INPP5A: variants seen among roughly 807,000 people sequenced by gnomAD.
The protein encoded by INPP5A is inositol polyphosphate-5-phosphatase A, also known as 43 kDa inositol polyphosphate 5-phophatase.
In INPP5A, 14 loss-of-function variants were observed where a neutral mutation model predicts 65.2. That is an observed-to-expected ratio of 0.21 (90% CI 0.14 to 0.34). The LOEUF (loss-of-function observed/expected upper bound fraction) is 0.34. Among genes scored for constraint, INPP5A ranks in the 10% least tolerant of loss-of-function variants. INPP5A has a pLI of 1.00. For synonymous variants in INPP5A, 207 were observed against 208.3 expected (o/e 0.99, Z 0.05); for missense variants, 431 against 545.6 (o/e 0.79, Z 2.09).
At chr10:132,752,935 C>G (rs987578141) in intron 11 of INPP5A, among the ~76,000 whole-genome samples, 56 of 152,162 alleles carry the variant, frequency 3.7e-4, no homozygotes, top group Non-Finnish European at 7.4e-5. Flanking sequence ...GGGGTTGAAG[C>G]CACGTGAGGC....
intron 2 of INPP5A, among the ~76,000 whole-genome samples, chr10:132,639,139 C>A (rs2072395928): frequency 6.6e-6 from 1 of 152,104 alleles, no homozygotes; most frequent in African/African-American, 2.4e-5. Flanking sequence ...TTTCCTTATT[C>A]TTGGAGATCC....
chr10:132,712,838 A>G (rs1274275457), intron 8 of INPP5A, among the ~76,000 whole-genome samples: 1 of 140,682 alleles, frequency 7.1e-6, no homozygotes, highest in Non-Finnish European at 1.5e-5. Context: ...GTGGGTGCAT[A>G]TGTGTAGGCT....
At chr10:132,619,715 A>G (rs1314419693) in intron 2 of INPP5A, among the ~76,000 whole-genome samples, 3 of 152,158 alleles carry the variant, frequency 2.0e-5, no homozygotes, top group South Asian at 2.1e-4. Flanking sequence ...CTGGAGTGCA[A>G]TGGCATGATC....
At chr10:132,781,576 T>C (rs1246819403) in intron 14 of INPP5A, among the ~76,000 whole-genome samples, 1 of 152,254 alleles carries the variant, frequency 6.6e-6, no homozygotes, top group Non-Finnish European at 1.5e-5. Flanking sequence ...GCCATTCTTT[T>C]ACATCAGTTT....
At chr10:132,580,499 A>G (rs1197218192) in intron 1 of INPP5A, among the ~76,000 whole-genome samples, 1 of 152,182 alleles carries the variant, frequency 6.6e-6, no homozygotes, top group Non-Finnish European at 1.5e-5. Flanking sequence ...TCTATTCTCC[A>G]TGAATTACCA....
chr10:132,717,526 G>T (rs1259743082), intron 8 of INPP5A, among the ~76,000 whole-genome samples: 1 of 151,422 alleles, frequency 6.6e-6, no homozygotes, highest in African/African-American at 2.5e-5. Context: ...AGCCTTAGAC[G>T]ACTGTCTTCA....
intron 8 of INPP5A, among the ~76,000 whole-genome samples, chr10:132,723,527 A>ATGTGGGGATTGGCCG (rs1564984367): frequency 2.8e-4 from 22 of 77,922 alleles, no homozygotes; most frequent in East Asian, 7.9e-4. Flanking sequence ...GGGATTGGCC[A>ATGTGGGGATTGGCCG]TGTGGGGATT....
At chr10:132,615,727 T>C (rs1440318198) in intron 2 of INPP5A, among the ~76,000 whole-genome samples, 2 of 152,158 alleles carry the variant, frequency 1.3e-5, no homozygotes, top group Non-Finnish European at 2.9e-5. Context: ...GCACCCTTGC[T>C]TGAAGCTAAG....
chr10:132,658,905 G>A (rs958149835), intron 4 of INPP5A, among the ~76,000 whole-genome samples: 2 of 152,152 alleles, frequency 1.3e-5, no homozygotes, highest in Non-Finnish European at 1.5e-5. Context: ...GAAGGCGTCG[G>A]GCCTGGGGCA....
chr10:132,768,524 G>A (rs1442755161), intron 12 of INPP5A, among the ~76,000 whole-genome samples: 6 of 152,224 alleles, frequency 3.9e-5, no homozygotes, highest in Non-Finnish European at 5.9e-5. Flanking sequence ...GGGGGGTCCC[G>A]AGTGCCTCTG....
chr10:132,710,540 C>A, intron 8 of INPP5A, 84 bp downstream of exon 8: 1 of 1,512,180 alleles, frequency 6.6e-7, no homozygotes. Flanking sequence ...TAGGTGTGGG[C>A]GGACAAGTAG....
intron 2 of INPP5A, among the ~76,000 whole-genome samples, chr10:132,643,930 T>G (rs1195941826): frequency 1.3e-5 from 2 of 152,046 alleles, no homozygotes; most frequent in Non-Finnish European, 2.9e-5. Flanking sequence ...CACAGGCCTC[T>G]TCCATGCCAG....
chr10:132,618,524 G>A (rs969078984), intron 2 of INPP5A, among the ~76,000 whole-genome samples: 2 of 152,234 alleles, frequency 1.3e-5, no homozygotes, highest in Non-Finnish European at 1.5e-5. Flanking sequence ...TTTCCTGATG[G>A]TAATTTTAAG....
Position 132,708,539 on chromosome 10 carries a change from C to G in INPP5A, c.527+174C>G, listed in dbSNP as rs569052878. ...CCCTTTTGGTTCACGGCGATGCATT[C>G]GGAGCATTGTCACTGTTCCCTGTAA... is the stretch of plus-strand genomic sequence containing the variant. On this transcript the variant is annotated intron_variant, in intron 7 of 15. Transcript: ENST00000368594. 3.9e-6 allele frequency: 3 copies of G among 764,084 alleles called. No homozygotes were observed. The South Asian group carries it at 4.1e-5, about 11-fold the overall frequency. 47.3% of individuals were successfully genotyped at this position (764,084 alleles called of 1,614,324 possible). A position where few individuals can be genotyped will look rare whatever the true frequency, so the allele number is the denominator to read the frequency against.
chr10:132,680,156 T>TA (rs2073023307), intron 4 of INPP5A, among the ~76,000 whole-genome samples: 2 of 151,710 alleles, frequency 1.3e-5, no homozygotes, highest in African/African-American at 2.4e-5. Flanking sequence ...ATCAACAGAG[T>TA]AAAAAGGCAA....
chr10:132,694,093 G>T (rs756193559), intron 5 of INPP5A, among the ~76,000 whole-genome samples: 9 of 152,106 alleles, frequency 5.9e-5, no homozygotes, highest in Non-Finnish European at 1.3e-4. Context: ...TGTCAAGCTC[G>T]CCTGGAACAT....
At chr10:132,754,001 C>G (rs2134648226) in intron 11 of INPP5A, 1 of 152,352 alleles carries the variant, frequency 6.6e-6, no homozygotes, top group African/African-American at 2.4e-5. Flanking sequence ...AATCAGAAAC[C>G]TCTCCTGTCT....
At chr10:132,777,861 G>A (rs1246508266) in intron 13 of INPP5A, 79 bp downstream of exon 13, 7 of 1,561,634 alleles carry the variant, frequency 4.5e-6, no homozygotes, top group Non-Finnish European at 8.7e-7. Flanking sequence ...CTGGTGACAG[G>A]GCCCCAGGGG....
At chr10:132,602,802 G>A (rs1207722395) in intron 1 of INPP5A, among the ~76,000 whole-genome samples, 2 of 152,190 alleles carry the variant, frequency 1.3e-5, no homozygotes, top group East Asian at 3.8e-4. Flanking sequence ...GCTCTTAGAG[G>A]GAAAGCTTTC....
Sources: allele counts gnomAD v4.1 joint callset (sites outside exome capture counted in the v4.1 genomes callset), GRCh38; gene constraint gnomAD v4.1.1; transcripts MANE v1.5; gene names NCBI Gene and HGNC (gene_info 2026-07-23, HGNC 2026-07-21).